The following ASCC3 variants were observed in gnomAD, a reference collection of about 807,000 sequenced individuals.
The protein encoded by ASCC3 is activating signal cointegrator 1 complex subunit 3.
ASCC3 carries 158 observed loss-of-function variants against 256.3 expected under a neutral mutation model. That is an observed-to-expected ratio of 0.62 (90% CI 0.54 to 0.70). ASCC3 has a LOEUF of 0.70. ASCC3 is among the 30% of genes least tolerant of loss of function. The pLI is 0.00. For synonymous variants in ASCC3, 948 were observed against 883.4 expected, an observed-to-expected ratio of 1.07 and a Z score of -1.30; for missense variants, 2,259 against 2,626.0, an observed-to-expected ratio of 0.86 and a Z score of 3.05.
intron 4 of ASCC3, among the ~76,000 whole-genome samples, chr6:100,824,177 T>C (rs759695885): frequency 2.0e-5 from 3 of 152,170 alleles, no homozygotes; most frequent in Non-Finnish European, 4.4e-5. Context: ...AAGCAAAATA[T>C]TATATCCAAG....
intron 34 of ASCC3, among the ~76,000 whole-genome samples, chr6:100,591,738 T>C (rs1433965148): frequency 6.6e-6 from 1 of 152,010 alleles, no homozygotes; most frequent in Non-Finnish European, 1.5e-5. Flanking sequence ...AAAATTAAAA[T>C]ACTATTTTTA....
intron 36 of ASCC3, among the ~76,000 whole-genome samples, chr6:100,561,078 C>T (rs1024495560): frequency 1.3e-5 from 2 of 150,752 alleles, no homozygotes; most frequent in African/African-American, 2.4e-5. Context: ...CTTAACTTTA[C>T]TGATACATTG....
intron 15 of ASCC3, 63 bp from the exon 16 acceptor site, chr6:100,662,093 G>T: frequency 1.3e-6 from 2 of 1,487,372 alleles, no homozygotes; most frequent in Non-Finnish European, 9.3e-7. Flanking sequence ...CTGATGAACT[G>T]AATACTGAAA....
intron 36 of ASCC3, among the ~76,000 whole-genome samples, chr6:100,561,888 C>T (rs1769972475): frequency 6.6e-6 from 1 of 152,132 alleles, no homozygotes; most frequent in African/African-American, 2.4e-5. Context: ...ATAATTCTCT[C>T]TTACCAACAG....
At chr6:100,803,177 T>C (rs986999365) in intron 5 of ASCC3, among the ~76,000 whole-genome samples, 1 of 152,100 alleles carries the variant, frequency 6.6e-6, no homozygotes, top group Non-Finnish European at 1.5e-5. Flanking sequence ...GCTGGCTTAG[T>C]GCAATTTCTG....
Position 100,529,470 on chromosome 6 carries a change from A to G in ASCC3, c.5775+10693T>C, listed in dbSNP as rs146878628. On this transcript the variant is annotated intron_variant, in intron 37 of 41. Transcript: ENST00000369162. ...ATAATAAAGCAGTTACAAATATTCA[A>G]TCAAATTACCAAATCCCTCTTAGAA... is the stretch of plus-strand genomic sequence containing the variant. Among the ~76,000 whole-genome samples the G allele has an allele frequency of 9.8e-5, 15 of 152,338 alleles. No individual in the cohort carries two copies. In the East Asian group the frequency reaches 2.3e-3, roughly 24 times the overall value.
At chr6:100,662,219 C>T (rs1193173264) in intron 15 of ASCC3, 126 bp downstream of exon 15, 1 of 1,170,042 alleles carries the variant, frequency 8.5e-7, no homozygotes, top group African/African-American at 1.6e-5. Context: ...ATAATTCTGA[C>T]CTTTTATAAA....
chr6:100,789,790 A>C (rs1769267363), intron 8 of ASCC3, among the ~76,000 whole-genome samples: 1 of 151,974 alleles, frequency 6.6e-6, no homozygotes, highest in Admixed American at 6.6e-5. Flanking sequence ...ACAAAACATG[A>C]TATTGTACCG....
At chr6:100,867,410 C>G (rs1301009010) in intron 2 of ASCC3, among the ~76,000 whole-genome samples, 1 of 152,090 alleles carries the variant, frequency 6.6e-6, no homozygotes, top group Admixed American at 6.5e-5. Context: ...AACAATGTTT[C>G]TTAAGTCTTA....
chr6:100,764,441 T>C (rs1781555679), intron 10 of ASCC3, among the ~76,000 whole-genome samples: 1 of 152,148 alleles, frequency 6.6e-6, no homozygotes, highest in Non-Finnish European at 1.5e-5. Context: ...GCAATGCTAT[T>C]TTAGAAAAAG....
intron 10 of ASCC3, among the ~76,000 whole-genome samples, chr6:100,735,830 G>A (rs1331472673): frequency 4.6e-5 from 7 of 152,038 alleles, no homozygotes; most frequent in East Asian, 1.9e-4. Context: ...ATAAAACTAC[G>A]TATAAAAATG....
chr6:100,747,461 G>C (rs1335070732), intron 10 of ASCC3, among the ~76,000 whole-genome samples: 1 of 152,062 alleles, frequency 6.6e-6, no homozygotes, highest in East Asian at 1.9e-4. Context: ...ATTTGTAACA[G>C]TCAAAAACTA....
chr6:100,576,217 T>C (rs1409634513), intron 36 of ASCC3, among the ~76,000 whole-genome samples: 2 of 151,986 alleles, frequency 1.3e-5, no homozygotes, highest in African/African-American at 4.8e-5. Context: ...AGAAAAAACT[T>C]GGCAAGGGTT....
chr6:100,544,983 C>G lies in ASCC3; in HGVS notation c.5551-4596G>C, dbSNP rs79500094. Reference sequence around the variant, plus strand: ...CCAAATGAAGTTTATTCTGGGGATGCAGGATTGGTTAAACACTCAAACATC... The same window carrying G: ...CCAAATGAAGTTTATTCTGGGGATGGAGGATTGGTTAAACACTCAAACATC... On this transcript the variant is annotated intron_variant, in intron 36 of 41. Transcript: ENST00000369162. Among the ~76,000 whole-genome samples, 37 of 152,136 alleles carry G rather than the reference C, an allele frequency of 2.4e-4. No individual in the cohort carries two copies. The East Asian group carries it at 6.9e-3, about 29-fold the overall frequency.
Position 100,650,729 on chromosome 6 carries a change from G to A in ASCC3, c.3076-15C>T, listed in dbSNP as rs746754618. ...TCTTCTCTGACCTAGAAGAATCAAT[G>A]TATTTATTGGAATTTTGGGGCTGAT... On this transcript the variant is annotated splice_polypyrimidine_tract_variant and intron_variant, in intron 19 of 41. Coordinates refer to ENST00000369162, the MANE Select transcript of ASCC3 (RefSeq NM_006828.4). 4 of 1,594,396 alleles carry A rather than the reference G, an allele frequency of 2.5e-6. No homozygotes were observed. The highest frequency in any genetic ancestry group is 1.9e-4 in the Middle Eastern group (1 of 5,396).
chr6:100,798,299 CA>C (rs1200433196), intron 8 of ASCC3, among the ~76,000 whole-genome samples: 1 of 151,826 alleles, frequency 6.6e-6, no homozygotes, highest in East Asian at 1.9e-4. Context: ...AAACATTATT[CA>C]AAATTTAAAA....
At position 100,688,180 on chromosome 6, in the gene ASCC3, C is replaced by T. The variant is rs79443506; in HGVS notation, c.2152-8428G>A. On this transcript the variant is annotated intron_variant, in intron 13 of 41. Coordinates refer to ENST00000369162, the MANE Select transcript of ASCC3 (RefSeq NM_006828.4). ...CTTGAAGAAATATTTTTAAAAAGTA[C>T]GCAAACCATGGAAAACACCTAAAGA... Among the ~76,000 whole-genome samples, 1,118 of 150,164 alleles carry T rather than the reference C, an allele frequency of 7.4e-3. 10 individuals carry two copies. The highest frequency in any genetic ancestry group is 0.025 in the African/African-American group (1,027 of 40,946).
intron 10 of ASCC3, among the ~76,000 whole-genome samples, chr6:100,759,456 T>C (rs1263869304): frequency 6.6e-6 from 1 of 152,230 alleles, no homozygotes; most frequent in African/African-American, 2.4e-5. Context: ...TTTCTGCATA[T>C]GGCTAGCCAG....
chr6:100,617,288 G>A (rs1438349040), intron 30 of ASCC3, among the ~76,000 whole-genome samples: 2 of 151,994 alleles, frequency 1.3e-5, no homozygotes, highest in African/African-American at 4.8e-5. Flanking sequence ...GATTACAGGC[G>A]TGAGCCACCG....
Sources: gnomAD v4.1 joint callset for allele counts (sites outside exome capture counted in the v4.1 genomes callset) on GRCh38, gnomAD v4.1.1 for gene constraint, MANE v1.5 for transcripts, NCBI Gene and HGNC (gene_info 2026-07-23, HGNC 2026-07-21) for gene names.